Variants in CSNK1G1 observed in about 807,000 individuals in gnomAD.
The protein encoded by CSNK1G1 is casein kinase I isoform gamma-1.
A neutral mutation model predicts 59.6 loss-of-function variants in CSNK1G1; 22 were observed. The observed-to-expected ratio is 0.37, with a 90% CI of 0.26 to 0.53. CSNK1G1 has a LOEUF of 0.53. Ranked by LOEUF, CSNK1G1 falls within the 20% of genes least tolerant of loss-of-function variation. The probability of loss-of-function intolerance (pLI) is 0.89; values close to 1 mark genes in which losing one functional copy is unlikely to be tolerated. For missense variants in CSNK1G1, 384 were observed against 519.5 expected (o/e 0.74, Z 2.54); for synonymous variants, 179 against 177.1 (o/e 1.01, Z -0.08).
chr15:64,191,273 G>C (rs193044039), intron 10 of CSNK1G1, among the ~76,000 whole-genome samples: 8 of 152,140 alleles, frequency 5.3e-5, no homozygotes, highest in Admixed American at 2.6e-4. Flanking sequence ...TGTTAGCTAG[G>C]ATGGTCTCGA....
chr15:64,189,332 C>T, intron 10 of CSNK1G1: 1 of 1,187,066 alleles, frequency 8.4e-7, no homozygotes, highest in Admixed American at 3.2e-5. Flanking sequence ...TCAGGCTCTC[C>T]TTCTTTACCT....
chr15:64,321,258 CTTTTTTTTT>C (rs371870605), intron 1 of CSNK1G1, among the ~76,000 whole-genome samples: 6 of 140,040 alleles, frequency 4.3e-5, no homozygotes, highest in African/African-American at 1.6e-4. Flanking sequence ...TCTTTTTTTC[CTTTTTTTTT>C]TTTTTGGAGA....
At chr15:64,203,240 G>C (rs2082132469) in intron 9 of CSNK1G1, 51 bp from the exon 10 acceptor site, 1 of 1,116,968 alleles carries the variant, frequency 9.0e-7, no homozygotes, top group African/African-American at 1.5e-5. Context: ...CCAACTTGAT[G>C]CATATGCAAA....
intron 4 of CSNK1G1, among the ~76,000 whole-genome samples, chr15:64,228,892 T>C (rs1405341140): frequency 6.6e-6 from 1 of 151,226 alleles, no homozygotes; most frequent in African/African-American, 2.4e-5. Context: ...GTGGTGTGTG[T>C]TTGTGGTCCC....
chr15:64,269,051 T>C (rs1323169214), intron 2 of CSNK1G1, among the ~76,000 whole-genome samples: 1 of 152,044 alleles, frequency 6.6e-6, no homozygotes, highest in African/African-American at 2.4e-5. Flanking sequence ...TGTGCTGCCA[T>C]CACTCACTGA....
intron 3 of CSNK1G1, among the ~76,000 whole-genome samples, chr15:64,254,957 T>G (rs1465200791): frequency 6.6e-6 from 1 of 152,232 alleles, no homozygotes; most frequent in African/African-American, 2.4e-5. Context: ...CCACTCTGAA[T>G]TAATTGTTGA....
rs538468824 is a variant in CSNK1G1 at position 64,225,940 on chromosome 15, T to A, written c.293-9227A>T. ...CTGCTCCCGGCTTACCATATTCTTT[T>A]AATTCAATAAAAACCCCAAGGAACA... On this transcript the variant is annotated intron_variant, in intron 4 of 11. Transcript: ENST00000303052. Among the ~76,000 whole-genome samples, 26 of 152,310 alleles carry A rather than the reference T, an allele frequency of 1.7e-4. No individual in the cohort carries two copies. In the South Asian group the frequency reaches 5.2e-3, roughly 30 times the overall value.
At chr15:64,223,454 A>G (rs12441478) in intron 4 of CSNK1G1, among the ~76,000 whole-genome samples, 2,406 of 152,294 alleles carry the variant, frequency 0.016, 157 homozygotes, top group Admixed American at 0.12. Context: ...GACTCAGGCA[A>G]GGAAGATATG....
intron 1 of CSNK1G1, among the ~76,000 whole-genome samples, chr15:64,334,629 C>T (rs1007608253): frequency 3.9e-5 from 6 of 152,142 alleles, no homozygotes; most frequent in African/African-American, 1.4e-4. Flanking sequence ...ATAAGGAGTG[C>T]ATAACCTACA....
At chr15:64,266,607 C>T (rs970130159) in intron 2 of CSNK1G1, among the ~76,000 whole-genome samples, 10 of 152,076 alleles carry the variant, frequency 6.6e-5, no homozygotes, top group African/African-American at 2.2e-4. Flanking sequence ...AATCACTCTA[C>T]CCAATGCAAA....
At chr15:64,180,621 A>G (rs1198868464) in intron 10 of CSNK1G1, among the ~76,000 whole-genome samples, 167 bp from the exon 11 acceptor site, 1 of 152,214 alleles carries the variant, frequency 6.6e-6, no homozygotes, top group African/African-American at 2.4e-5. Context: ...GAACACTAAT[A>G]TCAATGATGT....
intron 1 of CSNK1G1, among the ~76,000 whole-genome samples, chr15:64,344,924 T>G (rs190463294): frequency 5.8e-4 from 89 of 152,320 alleles, no homozygotes; most frequent in African/African-American, 2.1e-3. Context: ...AAAGACAAAG[T>G]GAGCCTTCAT....
intron 4 of CSNK1G1, among the ~76,000 whole-genome samples, chr15:64,249,075 T>C (rs143863192): frequency 7.4e-4 from 112 of 152,308 alleles, no homozygotes; most frequent in Admixed American, 3.5e-3. Context: ...TGAGCCGAGA[T>C]AGTGCCACTG....
At chr15:64,202,211 G>A (rs1024566026) in intron 10 of CSNK1G1, among the ~76,000 whole-genome samples, 3 of 152,158 alleles carry the variant, frequency 2.0e-5, no homozygotes, top group South Asian at 2.1e-4. Context: ...TAATTTGCCC[G>A]GGTAGAAGAA....
At chr15:64,257,891 C>G (rs1055921009) in intron 3 of CSNK1G1, among the ~76,000 whole-genome samples, 7 of 152,148 alleles carry the variant, frequency 4.6e-5, no homozygotes, top group Non-Finnish European at 1.0e-4. Flanking sequence ...TACCTCTCTT[C>G]CTGCTCCCAT....
At chr15:64,196,209 C>G (rs2082037006) in intron 10 of CSNK1G1, among the ~76,000 whole-genome samples, 2 of 151,796 alleles carry the variant, frequency 1.3e-5, no homozygotes, top group African/African-American at 4.8e-5. Flanking sequence ...GGAGTGAGAT[C>G]CCATCTCTAT....
At chr15:64,204,726 G>C (rs1282193404) in intron 8 of CSNK1G1, 137 bp from the exon 9 acceptor site, 6 of 1,202,852 alleles carry the variant, frequency 5.0e-6, no homozygotes, top group South Asian at 2.6e-5. Flanking sequence ...CAAAATAAAA[G>C]TGATAAAACC....
At chr15:64,314,796 C>T (rs1022617158) in intron 1 of CSNK1G1, among the ~76,000 whole-genome samples, 2 of 152,070 alleles carry the variant, frequency 1.3e-5, no homozygotes, top group Non-Finnish European at 2.9e-5. Context: ...TCCAAGTTGC[C>T]ACAAATGACA....
chr15:64,192,661 C>T (rs928159695), intron 10 of CSNK1G1, among the ~76,000 whole-genome samples: 1 of 151,670 alleles, frequency 6.6e-6, no homozygotes, highest in Non-Finnish European at 1.5e-5. Flanking sequence ...GAATTCAAGA[C>T]CAGCCTCGCC....
Sources: gnomAD v4.1 joint callset for allele counts (sites outside exome capture counted in the v4.1 genomes callset) on GRCh38, gnomAD v4.1.1 for gene constraint, MANE v1.5 for transcripts, NCBI Gene and HGNC (gene_info 2026-07-23, HGNC 2026-07-21) for gene names.